The following PCDHA1 variants were observed in gnomAD, a reference collection of about 807,000 sequenced individuals.
PCDHA1 encodes the protein protocadherin alpha 1.
PCDHA1 carries 42 observed loss-of-function variants against 61.3 expected under a neutral mutation model. That is an observed-to-expected ratio of 0.69 (90% CI 0.54 to 0.89). The LOEUF (loss-of-function observed/expected upper bound fraction) is 0.89, where lower values mean the gene tolerates loss of function less well. Ranked by LOEUF, PCDHA1 falls within the 40% of genes least tolerant of loss-of-function variation. The probability of loss-of-function intolerance (pLI) is 0.00; values close to 1 mark genes in which losing one functional copy is unlikely to be tolerated. For missense variants in PCDHA1, 1,256 were observed against 1,235.3 expected, an observed-to-expected ratio of 1.02 and a Z score of -0.25; for synonymous variants, 610 against 553.8, an observed-to-expected ratio of 1.10 and a Z score of -1.43.
intron 3 of PCDHA1, among the ~76,000 whole-genome samples, chr5:140,992,231 G>C (rs1234271245): frequency 1.3e-5 from 2 of 152,176 alleles, no homozygotes; most frequent in African/African-American, 4.8e-5. Context: ...CCTGGGAAGA[G>C]TAAGGAAGGA....
chr5:140,921,741 A>AT (rs1554200411), intron 1 of PCDHA1, among the ~76,000 whole-genome samples: 1 of 152,202 alleles, frequency 6.6e-6, no homozygotes, highest in Non-Finnish European at 1.5e-5. Context: ...AATTATAAGC[A>AT]TAACAGGACA....
chr5:140,987,213 C>CA (rs58319157), intron 3 of PCDHA1, among the ~76,000 whole-genome samples: 3,048 of 118,770 alleles, frequency 0.026, 41 homozygotes, highest in Middle Eastern at 0.12. Flanking sequence ...GACTCCATCT[C>CA]AAAAAAAAAA....
At chr5:140,853,149 G>T in intron 1 of PCDHA1, 1 of 844,586 alleles carries the variant, frequency 1.2e-6, no homozygotes, top group Non-Finnish European at 1.5e-6. Flanking sequence ...AAAATGCTGG[G>T]ATTACAGGCG....
At chr5:140,887,704 C>A (rs1554183178) in intron 1 of PCDHA1, among the ~76,000 whole-genome samples, 1 of 152,104 alleles carries the variant, frequency 6.6e-6, no homozygotes, top group East Asian at 1.9e-4. Context: ...ATCAACCATA[C>A]TTCTTCTAAT....
chr5:140,914,944 CTTT>C (rs35695909), intron 1 of PCDHA1, among the ~76,000 whole-genome samples: 73 of 128,234 alleles, frequency 5.7e-4, no homozygotes, highest in African/African-American at 1.8e-3. Flanking sequence ...GAAAAGTTGT[CTTT>C]TTTTTTTTTT....
chr5:140,949,924 AT>A (rs144693243), intron 1 of PCDHA1, among the ~76,000 whole-genome samples: 8,382 of 151,404 alleles, frequency 0.055, 277 homozygotes, highest in Non-Finnish European at 0.077. Context: ...CTATTTTTAG[AT>A]TTTTTTTAAT....
At chr5:140,926,692 C>T in intron 1 of PCDHA1, 1 of 737,896 alleles carries the variant, frequency 1.4e-6, no homozygotes, top group Non-Finnish European at 2.0e-6. Context: ...CCTAGCAAGC[C>T]CGGCTCCCAG....
chr5:140,947,784 T>C (rs2094176527), intron 1 of PCDHA1, among the ~76,000 whole-genome samples: 1 of 151,672 alleles, frequency 6.6e-6, no homozygotes, highest in Non-Finnish European at 1.5e-5. Context: ...AAATGGATTT[T>C]AAACAGACTT....
chr5:140,787,228 C>G lies in PCDHA1; in HGVS notation c.938C>G (p.Thr313Arg). The G allele has an allele frequency of 6.2e-7, 1 of 1,614,128 alleles. No homozygotes were observed. Among genetic ancestry groups the G allele is most frequent in the South Asian group, 1.1e-5 (1 of 91,084 alleles). The change falls in exon 1 of 4, where the codon ACA becomes AGA. Residue 313 changes from threonine to arginine, a missense_variant. Thr to Arg is a moderately conservative substitution (Grantham distance 71, BLOSUM62 -1). Transcript: ENST00000504120. ...ATTGATAAACTGGATTATGAAGAAA[C>G]AAAATCCTACGAAATTCAAGTAAAG... ...RLIDKLDYEETKSYEIQVKAV... is the reference protein window; with the variant it reads ...RLIDKLDYEERKSYEIQVKAV...
rs150518215 is a variant in PCDHA1, at chr5:140,883,444, T to G, written c.2394+94760T>G. On this transcript the variant is annotated intron_variant, in intron 1 of 3. Transcript: ENST00000504120. ...AGGTCACCTGCACCTTGACGCCGCATGTCCCCTTCAAGCTGGTGTCCACCT... is the reference window on the plus strand; with the variant it reads ...AGGTCACCTGCACCTTGACGCCGCAGGTCCCCTTCAAGCTGGTGTCCACCT... The G allele has an allele frequency of 2.5e-6, 4 of 1,614,052 alleles. No individual in the cohort carries two copies. In the African/African-American group the frequency reaches 4.0e-5, roughly 16 times the overall value.
intron 1 of PCDHA1, chr5:140,835,958 C>T (rs2150249126): frequency 1.9e-6 from 3 of 1,613,058 alleles, no homozygotes; most frequent in Middle Eastern, 1.8e-4. Context: ...CGTTGGACCA[C>T]GAGGAGCTGG....
chr5:140,837,522 T>C (rs1187305095), intron 1 of PCDHA1, among the ~76,000 whole-genome samples: 1 of 151,966 alleles, frequency 6.6e-6, no homozygotes. Flanking sequence ...TTTACTTTTT[T>C]TGTATATTCC....
intron 1 of PCDHA1, chr5:140,821,955 G>A (rs1562261754): frequency 1.2e-6 from 2 of 1,614,196 alleles, no homozygotes; most frequent in East Asian, 2.2e-5. Context: ...AGCTGGTGCC[G>A]CGCCTGTTCC....
intron 1 of PCDHA1, among the ~76,000 whole-genome samples, chr5:140,846,792 C>A (rs1780678433): frequency 6.7e-6 from 1 of 149,422 alleles, no homozygotes. Context: ...TACTGAGCCC[C>A]AGCCCCTGGC....
Position 140,786,759 on chromosome 5 carries a change from G to A in PCDHA1, c.469G>A (p.Ala157Thr). The A allele has an allele frequency of 6.2e-7, 1 of 1,614,118 alleles. No homozygotes were observed. The highest frequency in any genetic ancestry group is 2.2e-5 in the East Asian group (1 of 44,908). The change falls in exon 1 of 4, where the codon GCT becomes ACT. Residue 157 changes from alanine (A) to threonine (T), a missense_variant. Coordinates refer to ENST00000504120, the MANE Select transcript of PCDHA1 (RefSeq NM_018900.4). ...LLNSRFPIEG[A>T]ADADIGANAL... The stretch of plus-strand genomic sequence containing the variant: ...GAATTCGCGTTTTCCGATAGAAGGA[G>A]CTGCTGATGCAGACATTGGTGCTAA...
In PCDHA1 at chr5:140,819,305, TA is replaced by T. The variant is rs2150103719; in HGVS notation, c.2394+30622del. 1.3e-3 allele frequency among the ~76,000 whole-genome samples: 198 copies of T among 152,318 alleles called. 1 individual carries two copies. The highest frequency in any genetic ancestry group is 4.3e-3 in the African/African-American group (178 of 41,586). ...AGAAAAATATAGCTTATTAAAATTT[TA>T]TTCTGGGTTTTGTAAGGAATAAAGG... is the stretch of plus-strand genomic sequence containing the variant. On this transcript the variant is annotated intron_variant, in intron 1 of 3. Coordinates refer to ENST00000504120, the MANE Select transcript of PCDHA1 (RefSeq NM_018900.4).
chr5:140,850,783 G>A lies in PCDHA1; in HGVS notation c.2394+62099G>A, dbSNP rs2150498112. 4.6e-5 allele frequency: 73 copies of A among 1,598,056 alleles called. 5 individuals carry two copies. Among genetic ancestry groups the A allele is most frequent in the East Asian group, 4.5e-5 (2 of 44,866 alleles). On this transcript the variant is annotated intron_variant, in intron 1 of 3. Coordinates refer to ENST00000504120, the MANE Select transcript of PCDHA1 (RefSeq NM_018900.4). ...AGGCAGAGGGTGTGCTCTGGCGAGG[G>A]TAAGCAGAAGACCGACCTCATGGCC... is the stretch of plus-strand genomic sequence containing the variant.
intron 1 of PCDHA1, chr5:140,929,083 A>G (rs1554206659): frequency 1.2e-6 from 2 of 1,614,156 alleles, no homozygotes; most frequent in Admixed American, 3.3e-5. Context: ...TGGAAGTAAG[A>G]TGGTTTCAAA....
intron 1 of PCDHA1, chr5:140,871,603 T>C (rs919844711): frequency 6.2e-6 from 9 of 1,443,200 alleles, no homozygotes; most frequent in Admixed American, 5.5e-5. Flanking sequence ...AACCAGTGTT[T>C]TGAATATTGT....
Sources: gnomAD v4.1 joint callset for allele counts (sites outside exome capture counted in the v4.1 genomes callset) on GRCh38, gnomAD v4.1.1 for gene constraint, MANE v1.5 for transcripts, NCBI Gene and HGNC (gene_info 2026-07-23, HGNC 2026-07-21) for gene names.